NCAM2: variants seen among roughly 807,000 people sequenced by gnomAD.
The protein encoded by NCAM2 is N-CAM-2.
In NCAM2, 30 loss-of-function variants were observed where a neutral mutation model predicts 98.1. That is an observed-to-expected ratio of 0.31 (90% CI 0.23 to 0.41). The LOEUF is 0.41. Ranked by LOEUF, NCAM2 falls within the 10% of genes least tolerant of loss-of-function variation. The pLI, the probability that NCAM2 is intolerant of heterozygous loss-of-function variation, is 1.00. For synonymous variants in NCAM2, 368 were observed against 342.4 expected (o/e 1.07, Z -0.83); for missense variants, 867 against 1,005.8 (o/e 0.86, Z 1.87).
At chr21:21,266,002 G>T (rs539112407) in intron 1 of NCAM2, among the ~76,000 whole-genome samples, 121 of 152,130 alleles carry the variant, frequency 8.0e-4, no homozygotes, top group African/African-American at 2.8e-3. Context: ...ATAAGTGAGG[G>T]TGTTATTTTG....
chr21:21,437,995 C>T (rs1978645435), intron 12 of NCAM2, among the ~76,000 whole-genome samples: 1 of 151,786 alleles, frequency 6.6e-6, no homozygotes. Context: ...AATCATATAT[C>T]TTAAAGTTTA....
At chr21:21,526,946 G>C (rs750488389) in intron 16 of NCAM2, among the ~76,000 whole-genome samples, 32 of 152,074 alleles carry the variant, frequency 2.1e-4, no homozygotes, top group Non-Finnish European at 4.1e-4. Context: ...TCTAGCCACA[G>C]ACATTATGCA....
Position 21,214,722 on chromosome 21 carries a change from CATAT to C in NCAM2, c.56-65834_56-65831del, listed in dbSNP as rs1555829682. Among the ~76,000 whole-genome samples the C allele has an allele frequency of 4.0e-3, 371 of 92,594 alleles. 8 individuals carry two copies. Among genetic ancestry groups the C allele is most frequent in the Non-Finnish European group, 3.5e-3 (152 of 43,894 alleles). 60.7% of individuals were successfully genotyped at this position (92,594 alleles called of 152,430 possible). ...TCAGGGGGAGTAAATATATATATTC[CATAT>C]ATATATATATATATATATATACACT... is the stretch of plus-strand genomic sequence containing the variant. On this transcript the variant is annotated intron_variant, in intron 1 of 17. Coordinates refer to ENST00000400546, the MANE Select transcript of NCAM2 (RefSeq NM_004540.5).
chr21:21,345,410 G>A (rs997304400), intron 8 of NCAM2, among the ~76,000 whole-genome samples: 2 of 152,116 alleles, frequency 1.3e-5, no homozygotes, highest in South Asian at 4.2e-4. Flanking sequence ...AATTCTATCA[G>A]ATCAATCTAA....
At chr21:21,459,417 T>TACAC (rs3039016) in intron 12 of NCAM2, among the ~76,000 whole-genome samples, 4 of 147,450 alleles carry the variant, frequency 2.7e-5, no homozygotes, top group African/African-American at 1.0e-4. Context: ...AATATGTATA[T>TACAC]ACACACACAC....
chr21:21,218,772 A>G (rs1362282009), intron 1 of NCAM2, among the ~76,000 whole-genome samples: 1 of 152,220 alleles, frequency 6.6e-6, no homozygotes, highest in Non-Finnish European at 1.5e-5. Flanking sequence ...AGCTGGGCGC[A>G]GTGGCTCATG....
intron 1 of NCAM2, among the ~76,000 whole-genome samples, chr21:21,148,388 T>C (rs1569076601): frequency 6.6e-6 from 1 of 152,216 alleles, no homozygotes; most frequent in Non-Finnish European, 1.5e-5. Flanking sequence ...TGATAGTTTC[T>C]ACTGGAAGAT....
At chr21:21,427,623 A>C (rs2077243461) in intron 11 of NCAM2, among the ~76,000 whole-genome samples, 1 of 152,202 alleles carries the variant, frequency 6.6e-6, no homozygotes, top group Non-Finnish European at 1.5e-5. Flanking sequence ...AAGATTAAAA[A>C]GTTTCAGTTA....
intron 1 of NCAM2, among the ~76,000 whole-genome samples, chr21:21,222,334 T>C (rs557966784): frequency 6.6e-6 from 1 of 152,276 alleles, no homozygotes; most frequent in South Asian, 2.1e-4. Context: ...AGCAATACAT[T>C]TCATAAGGCT....
At chr21:21,250,972 C>T (rs1330709443) in intron 1 of NCAM2, among the ~76,000 whole-genome samples, 5 of 152,076 alleles carry the variant, frequency 3.3e-5, no homozygotes, top group Non-Finnish European at 7.4e-5. Flanking sequence ...ATTATATGTC[C>T]TCCACTAGTG....
intron 12 of NCAM2, among the ~76,000 whole-genome samples, chr21:21,434,800 C>T (rs2077432161): frequency 6.6e-6 from 1 of 152,150 alleles, no homozygotes; most frequent in Non-Finnish European, 1.5e-5. Context: ...TGTCTCTGGC[C>T]TCCATGAAAG....
At position 21,238,994 on chromosome 21, in the gene NCAM2, C is replaced by A. The variant is rs145470647; in HGVS notation, c.56-41584C>A. ...AATTGGACTAAATGAAATTAGATTC[C>A]CAATTTCCTTCAGATAAGAATATTT... is the stretch of plus-strand genomic sequence containing the variant. On this transcript the variant is annotated intron_variant, in intron 1 of 17. Transcript: ENST00000400546. 4.0e-3 allele frequency among the ~76,000 whole-genome samples: 615 copies of A among 152,104 alleles called. 3 individuals carry two copies. Among genetic ancestry groups the A allele is most frequent in the African/African-American group, 0.011 (449 of 41,460 alleles).
At chr21:21,130,669 T>G (rs980270242) in intron 1 of NCAM2, among the ~76,000 whole-genome samples, 1 of 152,146 alleles carries the variant, frequency 6.6e-6, no homozygotes, top group Non-Finnish European at 1.5e-5. Context: ...AACATTCATA[T>G]CTGAGGAAAT....
intron 12 of NCAM2, among the ~76,000 whole-genome samples, chr21:21,453,846 T>G (rs926040802): frequency 1.3e-5 from 2 of 152,142 alleles, no homozygotes; most frequent in Non-Finnish European, 2.9e-5. Context: ...CTTGAATTAG[T>G]CCTTAGAATA....
intron 6 of NCAM2, among the ~76,000 whole-genome samples, chr21:21,329,378 G>A (rs2074610144): frequency 6.6e-6 from 1 of 152,134 alleles, no homozygotes; most frequent in South Asian, 2.1e-4. Context: ...CAAGTTTGCA[G>A]CCTAGGAGAA....
intron 1 of NCAM2, among the ~76,000 whole-genome samples, chr21:21,010,358 C>T (rs1040781896): frequency 6.6e-6 from 1 of 151,980 alleles, no homozygotes; most frequent in African/African-American, 2.4e-5. Flanking sequence ...ACCACCACAT[C>T]CAAAATGGAT....
intron 13 of NCAM2, among the ~76,000 whole-genome samples, chr21:21,467,502 A>G (rs538863571): frequency 6.6e-6 from 1 of 150,702 alleles, no homozygotes; most frequent in Admixed American, 6.7e-5. Context: ...TCTATTGGTA[A>G]TCATAAAATC....
intron 12 of NCAM2, among the ~76,000 whole-genome samples, chr21:21,445,190 C>T (rs1979918696): frequency 6.6e-6 from 1 of 152,072 alleles, no homozygotes; most frequent in Admixed American, 6.6e-5. Flanking sequence ...GCACTGTGGC[C>T]TGAGAGGCTG....
At chr21:21,241,347 C>T (rs1041259971) in intron 1 of NCAM2, among the ~76,000 whole-genome samples, 1 of 142,556 alleles carries the variant, frequency 7.0e-6, no homozygotes, top group Non-Finnish European at 1.5e-5. Flanking sequence ...AATGAGAAAA[C>T]ATACAGTATT....
Sources: gnomAD v4.1 joint callset for allele counts (sites outside exome capture counted in the v4.1 genomes callset) on GRCh38, gnomAD v4.1.1 for gene constraint, MANE v1.5 for transcripts, NCBI Gene and HGNC (gene_info 2026-07-23, HGNC 2026-07-21) for gene names.